The following PCDHA3 variants were observed in gnomAD, a reference collection of about 807,000 sequenced individuals.
PCDHA3 encodes protocadherin alpha 3, also known as protocadherin alpha-3.
A neutral mutation model predicts 62.2 loss-of-function variants in PCDHA3; 41 were observed. The ratio of observed to expected loss-of-function variants is 0.66; its 90% confidence interval spans 0.51 to 0.86. The LOEUF is 0.86. PCDHA3 is among the 40% of genes least tolerant of loss of function. PCDHA3 has a pLI of 0.00. For missense variants in PCDHA3, 1,304 were observed against 1,241.2 expected, an observed-to-expected ratio of 1.05 and a Z score of -0.76; for synonymous variants, 640 against 555.4, an observed-to-expected ratio of 1.15 and a Z score of -2.14.
At chr5:140,995,837 C>T (rs1554254841) in intron 3 of PCDHA3, among the ~76,000 whole-genome samples, 2 of 152,158 alleles carry the variant, frequency 1.3e-5, no homozygotes, top group Non-Finnish European at 2.9e-5. Context: ...TGCACAGTGC[C>T]TCACATTTCT....
intron 1 of PCDHA3, chr5:140,862,703 A>G (rs2047499886): frequency 3.6e-6 from 2 of 558,206 alleles, no homozygotes; most frequent in East Asian, 4.9e-5. Flanking sequence ...TTGATGGAAC[A>G]GCGGGTGGGC....
intron 1 of PCDHA3, among the ~76,000 whole-genome samples, chr5:140,820,606 G>T (rs2150107398): frequency 6.6e-6 from 1 of 151,906 alleles, no homozygotes; most frequent in Non-Finnish European, 1.5e-5. Context: ...TTTCTAGGTC[G>T]TGTTCAAATC....
intron 3 of PCDHA3, among the ~76,000 whole-genome samples, chr5:140,985,239 A>C (rs2097143502): frequency 6.6e-6 from 1 of 152,008 alleles, no homozygotes; most frequent in South Asian, 2.1e-4. Flanking sequence ...GCCTGGCCTA[A>C]TCTTCTTACT....
intron 1 of PCDHA3, among the ~76,000 whole-genome samples, chr5:140,837,869 G>A (rs1367921938): frequency 6.6e-6 from 1 of 151,606 alleles, no homozygotes; most frequent in African/African-American, 2.4e-5. Flanking sequence ...TGTAGAGACA[G>A]GGTGGAGTCT....
chr5:140,864,619 T>A (rs895390232), intron 1 of PCDHA3: 2 of 152,222 alleles, frequency 1.3e-5, no homozygotes, highest in African/African-American at 4.8e-5. Flanking sequence ...TGTTCTTTTT[T>A]AAAAAGAAAA....
At chr5:140,970,884 A>G (rs1013057138) in intron 1 of PCDHA3, among the ~76,000 whole-genome samples, 1 of 152,218 alleles carries the variant, frequency 6.6e-6, no homozygotes, top group Admixed American at 6.5e-5. Context: ...GATTTTTCTC[A>G]TGGACATTTC....
chr5:141,000,639 G>T (rs1375900945), intron 3 of PCDHA3, among the ~76,000 whole-genome samples: 1 of 151,186 alleles, frequency 6.6e-6, no homozygotes, highest in Non-Finnish European at 1.5e-5. Context: ...TGTTGGGCAG[G>T]CTGGTCTCGA....
At chr5:140,828,560 G>T in intron 1 of PCDHA3, 1 of 1,614,210 alleles carries the variant, frequency 6.2e-7, no homozygotes, top group Non-Finnish European at 8.5e-7. Context: ...ACTGGAGGGC[G>T]CGTCCGATGC....
intron 1 of PCDHA3, among the ~76,000 whole-genome samples, chr5:140,845,551 C>A (rs1311867646): frequency 6.7e-6 from 1 of 149,234 alleles, no homozygotes. Context: ...TATGGTGATG[C>A]TTTTAGCTAT....
chr5:140,810,043 C>G (rs1483252615), intron 1 of PCDHA3: 1 of 154,640 alleles, frequency 6.5e-6, no homozygotes, highest in Non-Finnish European at 1.4e-5. Context: ...CCTTTTATAA[C>G]TGTTTGTTCG....
chr5:140,856,028 G>T, intron 1 of PCDHA3: 1 of 1,560,948 alleles, frequency 6.4e-7, no homozygotes, highest in East Asian at 2.3e-5. Flanking sequence ...TCGTCGATTT[G>T]TAAAACAAGA....
chr5:140,866,796 G>A (rs1360079320), intron 1 of PCDHA3: 5 of 152,128 alleles, frequency 3.3e-5, no homozygotes, highest in African/African-American at 1.2e-4. Context: ...TATAGTAAAA[G>A]TCAGGCACAA....
Position 140,841,742 on chromosome 5 carries a change from T to G in PCDHA3, c.2394+38151T>G, listed in dbSNP as rs2150322045. On this transcript the variant is annotated intron_variant, in intron 1 of 3. Transcript: ENST00000522353. ...GTTCCGGGTAAAAGACCAAAAGCTG[T>G]TTGTTTCAGAATCCAGAATGCCAGA... 8 of 1,613,830 alleles carry G rather than the reference T, an allele frequency of 5.0e-6. 1 individual carries two copies. In the South Asian group the frequency reaches 8.8e-5, roughly 18 times the overall value.
intron 1 of PCDHA3, among the ~76,000 whole-genome samples, chr5:140,923,186 C>T (rs559668347): frequency 2.0e-5 from 3 of 152,206 alleles, no homozygotes; most frequent in African/African-American, 7.2e-5. Context: ...GATGCATCTA[C>T]TGCAGCAATT....
chr5:140,856,399 T>G (rs782023286), intron 1 of PCDHA3: 1 of 1,598,492 alleles, frequency 6.3e-7, no homozygotes, highest in Non-Finnish European at 8.6e-7. Flanking sequence ...AGGTTTTCCA[T>G]GTGGACGTGG....
chr5:140,831,844 G>T (rs2150197622), intron 1 of PCDHA3, among the ~76,000 whole-genome samples: 1 of 152,224 alleles, frequency 6.6e-6, no homozygotes, highest in South Asian at 2.1e-4. Flanking sequence ...TGATAGAATT[G>T]TCATAAAGCT....
chr5:140,905,632 G>A lies in PCDHA3; in HGVS notation c.2395-73317G>A, dbSNP rs146826869. 9.9e-4 allele frequency among the ~76,000 whole-genome samples: 150 copies of A among 152,224 alleles called. 1 individual carries two copies. Among genetic ancestry groups the A allele is most frequent in the African/African-American group, 3.4e-3 (141 of 41,546 alleles). ...TCTATAGATTGCTTTTGACAGTATG[G>A]TCAGTTTCACAGTATTGATTCCTGT... On this transcript the variant is annotated intron_variant, in intron 1 of 3. Transcript: ENST00000522353.
chr5:140,947,585 G>C (rs773594834), intron 1 of PCDHA3, among the ~76,000 whole-genome samples: 5 of 151,544 alleles, frequency 3.3e-5, no homozygotes, highest in Non-Finnish European at 3.0e-5. Context: ...TTAACATTTA[G>C]ATCAATTTAG....
At position 140,801,367 on chromosome 5, in the gene PCDHA3, C is replaced by A. The variant is rs542094254; in HGVS notation, c.170C>A (p.Ala57Glu). Residue 57 changes from alanine (A) to glutamate (E), a missense_variant, in exon 1 of 4, where the codon GCG becomes GAG. Transcript: ENST00000522353. Reference sequence around the variant, plus strand: ...GCGCAGGACCTGGGGCTGGAGCTGGCGGAGCTGGTGCCGCGCCTGTTCCGG... The same window carrying A: ...GCGCAGGACCTGGGGCTGGAGCTGGAGGAGCTGGTGCCGCGCCTGTTCCGG... ...RIAQDLGLEL[A>E]ELVPRLFRVA... 55 of 1,613,426 alleles carry A rather than the reference C, an allele frequency of 3.4e-5. No homozygotes were observed. The highest frequency in any genetic ancestry group is 1.8e-4 in the Middle Eastern group (1 of 5,566).
Sources: allele counts gnomAD v4.1 joint callset (sites outside exome capture counted in the v4.1 genomes callset), GRCh38; gene constraint gnomAD v4.1.1; transcripts MANE v1.5; gene names NCBI Gene and HGNC (gene_info 2026-07-23, HGNC 2026-07-21).